LRRK1: variants seen among roughly 807,000 people sequenced by gnomAD.
The protein encoded by LRRK1 is leucine rich repeat kinase 1.
In LRRK1, 113 loss-of-function variants were observed where a neutral mutation model predicts 209.1. The observed-to-expected ratio is 0.54, with a 90% CI of 0.46 to 0.63. The LOEUF (loss-of-function observed/expected upper bound fraction) is 0.63. Ranked by LOEUF, LRRK1 falls within the 30% of genes least tolerant of loss-of-function variation. LRRK1 has a pLI of 0.00. For missense variants in LRRK1, 2,284 were observed against 2,632.2 expected (o/e 0.87, Z 2.89); for synonymous variants, 1,144 against 1,099.7 (o/e 1.04, Z -0.80).
chr15:100,956,455 C>CTTTTTTTTTTTTTTTTTTTTTTTT (rs776326423), intron 2 of LRRK1, among the ~76,000 whole-genome samples: 4 of 60,522 alleles, frequency 6.6e-5, no homozygotes, highest in Non-Finnish European at 8.6e-5. Context: ...TTTTTTTTTT[C>CTTTTTTTTTTTTTTTTTTTTTTTT]TTTTTTTTTT....
chr15:100,964,828 CCAA>C (rs2030352175), intron 2 of LRRK1, among the ~76,000 whole-genome samples: 2 of 151,718 alleles, frequency 1.3e-5, no homozygotes, highest in Non-Finnish European at 2.9e-5. Context: ...ACACATGAGG[CCAA>C]CATTTAGAAC....
At chr15:100,938,240 C>G (rs2042338027) in intron 2 of LRRK1, among the ~76,000 whole-genome samples, 1 of 151,882 alleles carries the variant, frequency 6.6e-6, no homozygotes, top group African/African-American at 2.4e-5. Flanking sequence ...CCTTTGTACC[C>G]ATTACCCAAT....
In LRRK1 at chr15:101,076,260, G is replaced by T. The variant is rs562869071; in HGVS notation, c.*7412G>T. On this transcript the variant is annotated 3_prime_UTR_variant, in exon 34 of 34. Transcript: ENST00000388948. ...AACTATGCTCAACTCACTCTCTACA[G>T]TTATCATAACTTCCAAAATCTATTT... 2.6e-5 allele frequency: 4 copies of T among 152,248 alleles called. No individual in the cohort carries two copies. The highest frequency in any genetic ancestry group is 6.5e-5 in the Admixed American group (1 of 15,302). The allele number at this position is 152,248 out of a possible 1,614,324, so 9.4% of individuals were successfully genotyped here.
At chr15:101,037,230 A>G (rs1188539568) in intron 20 of LRRK1, among the ~76,000 whole-genome samples, 2 of 152,160 alleles carry the variant, frequency 1.3e-5, no homozygotes, top group Non-Finnish European at 2.9e-5. Flanking sequence ...GCATGCTGGT[A>G]TTGGCAGTGG....
In LRRK1 at chr15:101,074,388, A is replaced by G. The variant is rs1167454560; in HGVS notation, c.*5540A>G. 2 of 152,194 alleles carry G rather than the reference A, an allele frequency of 1.3e-5. No homozygotes were observed. Among genetic ancestry groups the G allele is most frequent in the South Asian group, 2.1e-4 (1 of 4,830 alleles). 9.4% of individuals were successfully genotyped at this position (152,194 alleles called of 1,614,324 possible). Reference sequence around the variant, plus strand: ...TTCTCTTAAAAAGGTGGCTGGAGCTAAAGGCATAGTCAAGGTTAATGCTCC... The same window carrying G: ...TTCTCTTAAAAAGGTGGCTGGAGCTGAAGGCATAGTCAAGGTTAATGCTCC... On this transcript the variant is annotated 3_prime_UTR_variant, in exon 34 of 34. Transcript: ENST00000388948.
chr15:100,962,812 T>TACATATATAC (rs2030114196), intron 2 of LRRK1, among the ~76,000 whole-genome samples: 2 of 31,666 alleles, frequency 6.3e-5, no homozygotes, highest in African/African-American at 2.1e-4. Context: ...TATATATATA[T>TACATATATAC]ATATATATAT....
chr15:100,928,951 C>G (rs1443331465), intron 2 of LRRK1, among the ~76,000 whole-genome samples: 2 of 152,124 alleles, frequency 1.3e-5, no homozygotes, highest in Non-Finnish European at 2.9e-5. Context: ...GCAGTCAGCT[C>G]GCCTGCGGTG....
At chr15:101,009,283 G>C (rs1291375325) in intron 7 of LRRK1, among the ~76,000 whole-genome samples, 1 of 152,348 alleles carries the variant, frequency 6.6e-6, no homozygotes, top group East Asian at 1.9e-4. Context: ...CAGCTCACCC[G>C]GGGACATGCG....
intron 20 of LRRK1, among the ~76,000 whole-genome samples, chr15:101,036,475 A>G (rs568404793): frequency 1.3e-5 from 2 of 152,168 alleles, no homozygotes; most frequent in Non-Finnish European, 2.9e-5. Flanking sequence ...ATTAATATCT[A>G]TCTCTTTGGT....
chr15:101,021,627 C>G (rs941268748), intron 13 of LRRK1: 6 of 552,332 alleles, frequency 1.1e-5, no homozygotes, highest in African/African-American at 9.6e-5. Context: ...GGACTCAATT[C>G]TAAGCCGTGG....
intron 4 of LRRK1, among the ~76,000 whole-genome samples, chr15:100,985,575 A>C (rs1022231137): frequency 6.6e-6 from 1 of 152,168 alleles, no homozygotes; most frequent in Admixed American, 6.5e-5. Context: ...CTCCGAAGGG[A>C]GGCTGACATC....
rs535475926 is a variant in LRRK1, at chr15:101,024,672, C to G, written c.2068-131C>G. ...TGTTTCCTAAGAAACAATAGAGTGT[C>G]CAGAACTTTTCCACGGTTGTTTTTT... On this transcript the variant is annotated intron_variant, in intron 15 of 33. Transcript: ENST00000388948. This position sits in a 1 kb window ranked among gnomAD's most constrained non-coding sequence, Gnocchi z 4.6. 14 of 980,082 alleles carry G rather than the reference C, an allele frequency of 1.4e-5. No individual in the cohort carries two copies. The African/African-American group carries it at 1.8e-4, about 12-fold the overall frequency. The allele number at this position is 980,082 out of a possible 1,614,324, so 60.7% of individuals were successfully genotyped here. A position where few individuals can be genotyped will look rare whatever the true frequency, so the allele number is the denominator to read the frequency against.
intron 20 of LRRK1, among the ~76,000 whole-genome samples, chr15:101,044,335 T>C (rs2034934147): frequency 6.6e-6 from 1 of 152,234 alleles, no homozygotes; most frequent in South Asian, 2.1e-4. Flanking sequence ...TCTGAGGCTG[T>C]CTCAGTGGGG....
intron 11 of LRRK1, among the ~76,000 whole-genome samples, chr15:101,014,694 G>A (rs144806139): frequency 2.0e-5 from 3 of 152,334 alleles, no homozygotes; most frequent in African/African-American, 7.2e-5. Flanking sequence ...TCAGGCCTCT[G>A]TTCACGTCTG....
chr15:101,002,592 T>C (rs755854005), intron 6 of LRRK1, among the ~76,000 whole-genome samples: 3 of 152,230 alleles, frequency 2.0e-5, no homozygotes, highest in East Asian at 3.8e-4. Context: ...GATAGGATTA[T>C]ATAATTGCTG....
rs1430706298 is a variant in LRRK1, at chr15:101,077,524, T to C, written c.*8676T>C. The C allele has an allele frequency of 5.3e-5, 8 of 152,230 alleles. No homozygotes were observed. The highest frequency in any genetic ancestry group is 5.2e-4 in the Admixed American group (8 of 15,286). The allele number at this position is 152,230 out of a possible 1,614,324, so 9.4% of individuals were successfully genotyped here. ...GAGTCATCTCAATTCTTAGACCTTT[T>C]ATACCTGTTTTTCTCCTTTACTTAT... On this transcript the variant is annotated 3_prime_UTR_variant, in exon 34 of 34. Coordinates refer to ENST00000388948, the MANE Select transcript of LRRK1 (RefSeq NM_024652.6).
chr15:100,977,048 A>G (rs917724128), intron 3 of LRRK1, among the ~76,000 whole-genome samples: 1 of 152,218 alleles, frequency 6.6e-6, no homozygotes, highest in Non-Finnish European at 1.5e-5. Context: ...TAAAAGGTAG[A>G]GAAAAGAAGG....
Position 101,043,510 on chromosome 15 carries a change from G to A in LRRK1, c.2964-2471G>A, listed in dbSNP as rs150618204. On this transcript the variant is annotated intron_variant, in intron 20 of 33. Coordinates refer to ENST00000388948, the MANE Select transcript of LRRK1 (RefSeq NM_024652.6). ...CTGACAACTTTCAGATTGTTTTATC[G>A]CAGGTTAGAGGAGTGAGGAGATACG... Among the ~76,000 whole-genome samples the A allele has an allele frequency of 4.3e-3, 655 of 152,232 alleles. 7 individuals are homozygous for A. The highest frequency in any genetic ancestry group is 0.015 in the African/African-American group (623 of 41,516).
rs1260466218 is a variant in LRRK1 at position 101,009,082 on chromosome 15, A to C, written c.989+19A>C. On this transcript the variant is annotated intron_variant, in intron 7 of 33. Coordinates refer to ENST00000388948, the MANE Select transcript of LRRK1 (RefSeq NM_024652.6). ...GTTCCAGGTGGCTCCCCGGGGTGTG[A>C]CCGGAGCCGTGTGTGACCCCGCTGT... 3.8e-6 allele frequency: 6 copies of C among 1,581,762 alleles called. No homozygotes were observed. Among genetic ancestry groups the C allele is most frequent in the Middle Eastern group, 1.7e-4 (1 of 5,996 alleles).
Sources: allele counts gnomAD v4.1 joint callset (sites outside exome capture counted in the v4.1 genomes callset), GRCh38; gene constraint gnomAD v4.1.1; non-coding constraint Gnocchi (gnomAD v3.1); transcripts MANE v1.5; gene names NCBI Gene and HGNC (gene_info 2026-07-23, HGNC 2026-07-21).